The following GPLD1 variants were observed in gnomAD, a reference collection of about 807,000 sequenced individuals.
GPLD1 encodes the protein phosphatidylinositol-glycan-specific phospholipase D.
Under a neutral mutation model 112.6 loss-of-function variants are expected in GPLD1, and 84 were observed. The ratio of observed to expected loss-of-function variants is 0.75; its 90% CI spans 0.63 to 0.89. GPLD1 has a LOEUF of 0.89. GPLD1 is among the 40% of genes least tolerant of loss of function. The probability of loss-of-function intolerance (pLI) is 0.00; values close to 1 mark genes in which losing one functional copy is unlikely to be tolerated. For missense variants in GPLD1, 1,044 were observed against 1,051.5 expected (o/e 0.99, Z 0.10); for synonymous variants, 386 against 403.8 (o/e 0.96, Z 0.53).
chr6:24,469,843 G>T (rs898764036), intron 7 of GPLD1, among the ~76,000 whole-genome samples: 1 of 152,012 alleles, frequency 6.6e-6, no homozygotes, highest in Admixed American at 6.6e-5. Context: ...ACTTTAGTAG[G>T]TTTCTTTTAG....
rs1354686794 is a variant in GPLD1 at position 24,473,351 on chromosome 6, T to C, written c.490+268A>G. 7.7e-5 allele frequency: 21 copies of C among 273,806 alleles called. No homozygotes were observed. The East Asian group carries it at 1.2e-3, about 15-fold the overall frequency. The allele number at this position is 273,806 out of a possible 1,614,324, so 17.0% of individuals were successfully genotyped here. A position where few individuals can be genotyped will look rare whatever the true frequency, so the allele number is the denominator to read the frequency against. On this transcript the variant is annotated intron_variant, in intron 6 of 24. Transcript: ENST00000230036. ...CACTAGCTAATGAATTTTAACCCAA[T>C]GTATAAGTAAAGTTTTTCTAAAATT...
At chr6:24,474,578 G>C (rs1186880339) in intron 5 of GPLD1, among the ~76,000 whole-genome samples, 1 of 152,106 alleles carries the variant, frequency 6.6e-6, no homozygotes, top group African/African-American at 2.4e-5. Flanking sequence ...TCACATCTAT[G>C]ACTGTTTTCA....
At chr6:24,453,616 AC>A (rs1054576269) in intron 14 of GPLD1, among the ~76,000 whole-genome samples, 1 of 152,242 alleles carries the variant, frequency 6.6e-6, no homozygotes, top group African/African-American at 2.4e-5. Context: ...AGCCTGGGTG[AC>A]AGAGCAAGAG....
chr6:24,462,870 G>A (rs1410779567), intron 10 of GPLD1, 75 bp from the exon 11 acceptor site: 1 of 1,046,550 alleles, frequency 9.6e-7, no homozygotes, highest in African/African-American at 1.6e-5. Context: ...AATCGGTAGT[G>A]CGCTTCAATC....
At chr6:24,465,531 C>A (rs930416594) in intron 10 of GPLD1, among the ~76,000 whole-genome samples, 1 of 151,666 alleles carries the variant, frequency 6.6e-6, no homozygotes. Context: ...CAGAACAAGA[C>A]CCCATCTCAA....
In GPLD1 at chr6:24,454,125, C is replaced by CG. The variant is rs1763187342; in HGVS notation, c.1224dup (p.Gly409ArgfsTer15). Reference sequence around the variant, plus strand: ...TACACGCGCCCGATGTGGATGTGGCCGGGGCGGCTGTAGCCTGGTGCGCCC... The same window carrying CG: ...TACACGCGCCCGATGTGGATGTGGCCGGGGGCGGCTGTAGCCTGGTGCGCCC... On this transcript the variant is annotated frameshift_variant, in exon 14 of 25. Coordinates refer to ENST00000230036, the MANE Select transcript of GPLD1 (RefSeq NM_001503.4). LOFTEE classifies it high-confidence loss of function. The CG allele has an allele frequency of 6.2e-7, 1 of 1,614,036 alleles. No homozygotes were observed. The highest frequency in any genetic ancestry group is 8.5e-7 in the Non-Finnish European group (1 of 1,179,952).
At chr6:24,450,731 C>T (rs889602344) in intron 14 of GPLD1, among the ~76,000 whole-genome samples, 1 of 152,174 alleles carries the variant, frequency 6.6e-6, no homozygotes, top group Non-Finnish European at 1.5e-5. Flanking sequence ...AATCCCAGCA[C>T]TTTGGGAGGC....
chr6:24,489,914 A>C (rs1764508538), upstream of GPLD1, among the ~76,000 whole-genome samples: 1 of 152,190 alleles, frequency 6.6e-6, no homozygotes, highest in South Asian at 2.1e-4. Flanking sequence ...GATAGTCAAC[A>C]TATTAGACCA....
intron 20 of GPLD1, among the ~76,000 whole-genome samples, chr6:24,443,344 T>C (rs1762807731): frequency 6.6e-6 from 1 of 152,160 alleles, no homozygotes; most frequent in Non-Finnish European, 1.5e-5. Context: ...ATTGGTCAGC[T>C]GCTTAATTGA....
In GPLD1 at chr6:24,465,977, C is replaced by T. The variant is rs1763599637; in HGVS notation, c.821+703G>A. Among the ~76,000 whole-genome samples, 4 of 152,120 alleles carry T rather than the reference C, an allele frequency of 2.6e-5. No individual in the cohort carries two copies. The South Asian group carries it at 8.3e-4, about 32-fold the overall frequency. The stretch of plus-strand genomic sequence containing the variant: ...TAGTCAGGGTGGAGAGGTGTGTCAC[C>T]ACAGCAAGAACACAGCCACTCTGGG... On this transcript the variant is annotated intron_variant, in intron 10 of 24. Coordinates refer to ENST00000230036, the MANE Select transcript of GPLD1 (RefSeq NM_001503.4).
chr6:24,483,593 G>A (rs1023420370), intron 2 of GPLD1, among the ~76,000 whole-genome samples: 2 of 151,340 alleles, frequency 1.3e-5, no homozygotes, highest in African/African-American at 2.4e-5. Flanking sequence ...CAGGAGAATC[G>A]CTTGAACCTG....
At chr6:24,466,366 CAA>C (rs780277419) in intron 10 of GPLD1, among the ~76,000 whole-genome samples, 2 of 152,112 alleles carry the variant, frequency 1.3e-5, no homozygotes, top group Non-Finnish European at 2.9e-5. Flanking sequence ...AAGAAAGAAA[CAA>C]ATGGAGCACC....
intron 1 of GPLD1, among the ~76,000 whole-genome samples, 194 bp downstream of exon 1, chr6:24,489,221 T>C (rs1175678082): frequency 6.6e-6 from 1 of 152,124 alleles, no homozygotes; most frequent in Non-Finnish European, 1.5e-5. Context: ...ATTTGCCCCT[T>C]AACTGAAGTC....
chr6:24,482,891 G>A (rs1764252121), intron 2 of GPLD1, among the ~76,000 whole-genome samples: 1 of 152,090 alleles, frequency 6.6e-6, no homozygotes, highest in African/African-American at 2.4e-5. Context: ...GATGCAGTGA[G>A]CCATGATCAC....
chr6:24,433,361 A>AC lies in GPLD1; in HGVS notation c.2385+1dup. 2 of 1,608,722 alleles carry AC rather than the reference A, an allele frequency of 1.2e-6. No homozygotes were observed. Among genetic ancestry groups the AC allele is most frequent in the Non-Finnish European group, 1.7e-6 (2 of 1,175,076 alleles). On this transcript the variant is annotated splice_donor_variant, in intron 23 of 24. Transcript: ENST00000230036. LOFTEE classifies it high-confidence loss of function. ...TTCTTCAGTCTTTCAAGGGATACTT[A>AC]CTTCAGGAGAAATCAATACATATTG...
At chr6:24,454,476 A>G (rs1378164091) in intron 13 of GPLD1, among the ~76,000 whole-genome samples, 2 of 137,170 alleles carry the variant, frequency 1.5e-5, no homozygotes, top group Admixed American at 1.5e-4. Context: ...ATACTCATGA[A>G]GCTTCTTGTC....
At chr6:24,435,836 A>AAAAAAAAAAAAAAAAATAAAAAAAAT (rs1427422814) in intron 22 of GPLD1, 1 of 146,528 alleles carries the variant, frequency 6.8e-6, no homozygotes. Context: ...AAAAAAAAAA[A>AAAAAAAAAAAAAAAAATAAAAAAAAT]AAAAAAAAAA....
At chr6:24,441,931 G>A (rs760329738) in intron 20 of GPLD1, among the ~76,000 whole-genome samples, 2 of 149,620 alleles carry the variant, frequency 1.3e-5, no homozygotes, top group Non-Finnish European at 3.0e-5. Context: ...TAACCTGATG[G>A]TGACATTAAT....
At chr6:24,448,075 T>G (rs776846854) in intron 16 of GPLD1, 42 bp from the exon 17 acceptor site, 21 of 1,612,746 alleles carry the variant, frequency 1.3e-5, no homozygotes, top group Non-Finnish European at 1.8e-5. Flanking sequence ...CCAGCCCTGG[T>G]GGCAGTTAGG....
Sources: gnomAD v4.1 joint callset for allele counts (sites outside exome capture counted in the v4.1 genomes callset) on GRCh38, gnomAD v4.1.1 for gene constraint, MANE v1.5 for transcripts, NCBI Gene and HGNC (gene_info 2026-07-23, HGNC 2026-07-21) for gene names.